EPHB1: variants seen among roughly 807,000 people sequenced by gnomAD.
EPHB1 encodes the protein ephrin type-B receptor 1.
A neutral mutation model predicts 94.4 loss-of-function variants in EPHB1; 30 were observed. That is an observed-to-expected ratio of 0.32 (90% CI 0.24 to 0.43). EPHB1 has a LOEUF of 0.43. Ranked by LOEUF, EPHB1 falls within the 20% of genes least tolerant of loss-of-function variation. The pLI is 1.00. For missense variants in EPHB1, 1,055 were observed against 1,308.3 expected (o/e 0.81, Z 2.99); for synonymous variants, 522 against 489.1 (o/e 1.07, Z -0.89).
intron 3 of EPHB1, among the ~76,000 whole-genome samples, chr3:134,957,439 G>T (rs552469967): frequency 6.6e-6 from 1 of 152,166 alleles, no homozygotes; most frequent in Non-Finnish European, 1.5e-5. Flanking sequence ...GGGGACTGCA[G>T]GAGCAGGCTG....
chr3:135,023,313 T>G (rs1054283740), intron 3 of EPHB1, among the ~76,000 whole-genome samples: 1 of 152,220 alleles, frequency 6.6e-6, no homozygotes, highest in Non-Finnish European at 1.5e-5. Context: ...TACAGCAGTT[T>G]TTCTCATCCT....
chr3:135,155,085 C>A (rs1269772812), intron 6 of EPHB1, among the ~76,000 whole-genome samples: 1 of 152,158 alleles, frequency 6.6e-6, no homozygotes, highest in Non-Finnish European at 1.5e-5. Context: ...GACAAAGATT[C>A]CTGCCTTTGA....
At position 135,132,708 on chromosome 3, in the gene EPHB1, C is replaced by T. The variant is rs2107687096; in HGVS notation, c.962-6C>T. Reference sequence around the variant, plus strand: ...GCCTCACTGGACCTTCTTTGTCTCCCTGCAGGCGTCCCATCAGGTCCCCGC... The same window carrying T: ...GCCTCACTGGACCTTCTTTGTCTCCTTGCAGGCGTCCCATCAGGTCCCCGC... On this transcript the variant is annotated splice_polypyrimidine_tract_variant and splice_region_variant and intron_variant, in intron 4 of 15. Transcript: ENST00000398015. 6.4e-7 allele frequency: 1 copy of T among 1,570,244 alleles called. No homozygotes were observed. The highest frequency in any genetic ancestry group is 1.3e-5 in the African/African-American group (1 of 74,450).
Position 135,249,370 on chromosome 3 carries a change from G to C in EPHB1, c.2725G>C (p.Asp909His). Residue 909 changes from aspartate to histidine, a missense_variant, in exon 15 of 16, where the codon GAC becomes CAC. By Grantham distance (81) the Asp-to-His change is moderately conservative. Transcript: ENST00000398015. The stretch of plus-strand genomic sequence containing the variant: ...GCCCCTGCTCGACCGCTCCATCCCA[G>C]ACTTCACGGCCTTTACCACCGTGGA... ...SQPLLDRSIP[D>H]FTAFTTVDDW... 2 of 1,613,814 alleles carry C rather than the reference G, an allele frequency of 1.2e-6. No individual in the cohort carries two copies. Among genetic ancestry groups the C allele is most frequent in the South Asian group, 2.2e-5 (2 of 91,074 alleles).
intron 1 of EPHB1, among the ~76,000 whole-genome samples, chr3:134,906,270 C>A (rs2038326295): frequency 1.3e-5 from 2 of 152,176 alleles, no homozygotes; most frequent in South Asian, 4.1e-4. Flanking sequence ...CAGAATTAGG[C>A]CAGTCATCTT....
intron 3 of EPHB1, among the ~76,000 whole-genome samples, chr3:135,017,983 G>A (rs1205908387): frequency 6.6e-6 from 1 of 152,108 alleles, no homozygotes; most frequent in Non-Finnish European, 1.5e-5. Flanking sequence ...GCAGGCACAT[G>A]CACCATGCCT....
At chr3:135,037,896 C>T (rs1936698329) in intron 3 of EPHB1, among the ~76,000 whole-genome samples, 1 of 152,210 alleles carries the variant, frequency 6.6e-6, no homozygotes, top group African/African-American at 2.4e-5. Flanking sequence ...ATAAAATAAA[C>T]TTGCAGGAAT....
intron 3 of EPHB1, among the ~76,000 whole-genome samples, chr3:135,041,698 T>C (rs776270061): frequency 4.6e-5 from 7 of 152,226 alleles, no homozygotes; most frequent in Non-Finnish European, 1.0e-4. Flanking sequence ...GTCCCTGTTT[T>C]AGTCATTTTG....
chr3:135,095,259 A>C (rs1938714385), intron 3 of EPHB1, among the ~76,000 whole-genome samples: 1 of 152,088 alleles, frequency 6.6e-6, no homozygotes, highest in Admixed American at 6.5e-5. Context: ...GCAGGGACAC[A>C]AGCGGACAAC....
intron 11 of EPHB1, among the ~76,000 whole-genome samples, chr3:135,194,730 G>T (rs115108528): frequency 0.01 from 1,542 of 152,230 alleles, 14 homozygotes; most frequent in South Asian, 0.046. Context: ...AGGGTGCAGG[G>T]GTGGAGAACA....
intron 1 of EPHB1, among the ~76,000 whole-genome samples, chr3:134,899,430 C>T (rs573602298): frequency 2.1e-4 from 32 of 152,296 alleles, no homozygotes; most frequent in African/African-American, 6.5e-4. Flanking sequence ...TCAGTGCCTT[C>T]GCCCTGCTGT....
chr3:135,138,139 G>A (rs1164827128), intron 5 of EPHB1, among the ~76,000 whole-genome samples: 2 of 152,158 alleles, frequency 1.3e-5, no homozygotes. Context: ...TATATTACAT[G>A]CAGTTCATGT....
intron 3 of EPHB1, among the ~76,000 whole-genome samples, chr3:135,075,388 G>C (rs1276944463): frequency 6.6e-6 from 1 of 152,140 alleles, no homozygotes; most frequent in Non-Finnish European, 1.5e-5. Context: ...TAGACCTGCT[G>C]CTGAGCTGTT....
chr3:134,883,222 C>A (rs970928748), intron 1 of EPHB1, among the ~76,000 whole-genome samples: 2 of 152,162 alleles, frequency 1.3e-5, no homozygotes, highest in African/African-American at 4.8e-5. Flanking sequence ...GCAAAAGAAA[C>A]CATTGTCTGT....
intron 3 of EPHB1, among the ~76,000 whole-genome samples, chr3:134,965,050 GATC>G (rs1307975478): frequency 5.3e-5 from 8 of 152,110 alleles, no homozygotes; most frequent in Non-Finnish European, 7.4e-5. Flanking sequence ...TTTGATAAAA[GATC>G]ATTAATTAAA....
At chr3:134,801,149 G>A (rs1394754283) in intron 1 of EPHB1, among the ~76,000 whole-genome samples, 1 of 152,282 alleles carries the variant, frequency 6.6e-6, no homozygotes, top group East Asian at 1.9e-4. Flanking sequence ...TGAGCAAAAT[G>A]TTCAGACAAC....
intron 1 of EPHB1, among the ~76,000 whole-genome samples, chr3:134,909,374 G>A (rs2038406561): frequency 6.6e-6 from 1 of 152,232 alleles, no homozygotes; most frequent in Non-Finnish European, 1.5e-5. Flanking sequence ...CTTTGGAGGT[G>A]AGCAAGCGGA....
At chr3:134,859,338 T>C (rs1251880848) in intron 1 of EPHB1, among the ~76,000 whole-genome samples, 1 of 152,186 alleles carries the variant, frequency 6.6e-6, no homozygotes, top group Non-Finnish European at 1.5e-5. Flanking sequence ...TAAGGGAAAC[T>C]CACCTTGGGC....
Position 134,795,279 on chromosome 3 carries a change from T to A in EPHB1, c.-353T>A. ...CGCGTCAGTCTGGCCGGCTCCGTCCTCCCGTAGGCTCCGCTGTAGCTAGCA... is the reference window on the plus strand; with the variant it reads ...CGCGTCAGTCTGGCCGGCTCCGTCCACCCGTAGGCTCCGCTGTAGCTAGCA... On this transcript the variant is annotated 5_prime_UTR_variant, in exon 1 of 16. Transcript: ENST00000398015. The A allele has an allele frequency of 2.5e-6, 1 of 392,468 alleles. No homozygotes were observed. Among genetic ancestry groups the A allele is most frequent in the Non-Finnish European group, 4.6e-6 (1 of 218,654 alleles). 24.3% of individuals were successfully genotyped at this position (392,468 alleles called of 1,614,324 possible). A position where few individuals can be genotyped will look rare whatever the true frequency, so the allele number is the denominator to read the frequency against.
Sources: gnomAD v4.1 joint callset for allele counts (sites outside exome capture counted in the v4.1 genomes callset) on GRCh38, gnomAD v4.1.1 for gene constraint, MANE v1.5 for transcripts, NCBI Gene and HGNC (gene_info 2026-07-23, HGNC 2026-07-21) for gene names.